IPO9: variants seen among roughly 807,000 people sequenced by gnomAD.
The protein encoded by IPO9 is importin-9.
Under a neutral mutation model 128.6 loss-of-function variants are expected in IPO9, and 28 were observed. The observed-to-expected ratio is 0.22, with a 90% confidence interval of 0.16 to 0.30. The LOEUF (loss-of-function observed/expected upper bound fraction) is 0.30, where lower values mean the gene tolerates loss of function less well. Ranked by LOEUF, IPO9 falls within the 10% of genes least tolerant of loss-of-function variation. The probability of loss-of-function intolerance (pLI) is 1.00; values close to 1 mark genes in which losing one functional copy is unlikely to be tolerated. For synonymous variants in IPO9, 455 were observed against 475.8 expected, an observed-to-expected ratio of 0.96 and a Z score of 0.57; for missense variants, 935 against 1,293.9, an observed-to-expected ratio of 0.72 and a Z score of 4.26.
chr1:201,868,545 G>A (rs1409198699), intron 15 of IPO9, 103 bp from the exon 16 acceptor site: 5 of 1,262,934 alleles, frequency 4.0e-6, no homozygotes, highest in Non-Finnish European at 1.1e-6. Context: ...AATCAATGCA[G>A]AAGTTGTTAA....
chr1:201,871,379 T>TC (rs1370229788), intron 19 of IPO9, 52 bp downstream of exon 19: 5 of 293,784 alleles, frequency 1.7e-5, no homozygotes, highest in Non-Finnish European at 2.4e-5. Flanking sequence ...CATATTTCTT[T>TC]TTTTTTTTTT....
Position 201,872,281 on chromosome 1 carries a change from T to A in IPO9, c.2577-547T>A, listed in dbSNP as rs1680667270. 2.0e-5 allele frequency among the ~76,000 whole-genome samples: 3 copies of A among 152,240 alleles called. 1 individual carries two copies. In the South Asian group the frequency reaches 6.2e-4, roughly 32 times the overall value. On this transcript the variant is annotated intron_variant, in intron 19 of 23. Transcript: ENST00000361565. ...CCTAACTTTTTATCCTGGATTTTTATACCACTGATTCTTATCACCTCGTTG... is the reference window on the plus strand; with the variant it reads ...CCTAACTTTTTATCCTGGATTTTTAAACCACTGATTCTTATCACCTCGTTG...
At position 201,864,535 on chromosome 1, in the gene IPO9, GTTTAGCTTCTGACCTTAGTGAAAC is replaced by G. The variant is rs769865266; in HGVS notation, c.1628+931_1628+954del. 4.9e-4 allele frequency among the ~76,000 whole-genome samples: 75 copies of G among 152,314 alleles called. 1 individual carries two copies. The highest frequency in any genetic ancestry group is 5.9e-4 in the Non-Finnish European group (40 of 68,030). On this transcript the variant is annotated intron_variant, in intron 14 of 23. Transcript: ENST00000361565. ...GAGTTTGTACCTGTGGTCACTGCCTGTTTAGCTTCTGACCTTAGTGAAACTTGATTTCATTGGAGAATTATCCAC... is the reference window on the plus strand; with the variant it reads ...GAGTTTGTACCTGTGGTCACTGCCTGTTGATTTCATTGGAGAATTATCCAC...
In IPO9 at chr1:201,872,941, C is replaced by G. The variant is rs1475098950; in HGVS notation, c.2690C>G (p.Thr897Ser). ...TACAGCATGGATGAGGGCATCCGCA[C>G]CCGCTCTAAGTCAGCCAAAAGTGGG... ...EIYSMDEGIR[T>S]RSKSAKNPER... The change falls in exon 20 of 24, where the codon ACC becomes AGC. Residue 897 changes from threonine to serine, a missense_variant. Coordinates refer to ENST00000361565, the MANE Select transcript of IPO9 (RefSeq NM_018085.5). 1.9e-6 allele frequency: 3 copies of G among 1,613,288 alleles called. No individual in the cohort carries two copies. The Admixed American group carries it at 5.0e-5, about 27-fold the overall frequency.
At chr1:201,861,954 C>G (rs1680456552) in intron 13 of IPO9, among the ~76,000 whole-genome samples, 1 of 150,432 alleles carries the variant, frequency 6.6e-6, no homozygotes, top group African/African-American at 2.5e-5. Flanking sequence ...AGGCAGAGAG[C>G]TGGGAGAGTA....
chr1:201,874,302 C>G lies in IPO9; in HGVS notation c.2763C>G (p.Ile921Met), dbSNP rs572168085. 25 of 1,613,956 alleles carry G rather than the reference C, an allele frequency of 1.5e-5. No homozygotes were observed. The South Asian group carries it at 2.7e-4, about 18-fold the overall frequency. ...IPLLVKILKL[I>M]INELSNVMEA... ...TGCTGGTCAAGATCCTAAAGCTGATCATCAACGAGCTCTCCAACGTCATGG... is the reference window on the plus strand; with the variant it reads ...TGCTGGTCAAGATCCTAAAGCTGATGATCAACGAGCTCTCCAACGTCATGG... The change falls in exon 21 of 24, where the codon ATC becomes ATG. Residue 921 changes from isoleucine (I) to methionine (M), a missense_variant. Physicochemically the swap from Ile to Met is conservative, Grantham distance 10. Transcript: ENST00000361565.
At chr1:201,839,212 G>A (rs1023762572) in intron 1 of IPO9, among the ~76,000 whole-genome samples, 16 of 150,416 alleles carry the variant, frequency 1.1e-4, no homozygotes, top group African/African-American at 2.7e-4. Flanking sequence ...GAGCCACTGC[G>A]CCCAGCCTAG....
At chr1:201,840,034 A>G (rs1381888565) in intron 1 of IPO9, among the ~76,000 whole-genome samples, 3 of 152,218 alleles carry the variant, frequency 2.0e-5, no homozygotes, top group Admixed American at 1.3e-4. Context: ...TTAGAGAAAT[A>G]TAATCTAAAA....
At chr1:201,847,490 T>C (rs1468470104) in intron 2 of IPO9, 62 bp from the exon 3 acceptor site, 2 of 1,446,224 alleles carry the variant, frequency 1.4e-6, no homozygotes, top group African/African-American at 1.4e-5. Flanking sequence ...GCTATGTATA[T>C]AGTTTTTATG....
At chr1:201,863,247 G>T in intron 13 of IPO9, 1 of 344,022 alleles carries the variant, frequency 2.9e-6, no homozygotes, top group Non-Finnish European at 5.4e-6. Context: ...AACTACTCAG[G>T]AGGCTGAGGC....
At chr1:201,874,965 G>A (rs1270896559) in intron 22 of IPO9, 29 bp downstream of exon 22, 1 of 1,511,304 alleles carries the variant, frequency 6.6e-7, no homozygotes, top group African/African-American at 1.4e-5. Flanking sequence ...GGACAGCCAT[G>A]GTAAATACCT....
At chr1:201,855,211 A>G in intron 9 of IPO9, 29 bp downstream of exon 9, 1 of 1,445,312 alleles carries the variant, frequency 6.9e-7, no homozygotes, top group South Asian at 1.2e-5. Flanking sequence ...CTTTATAGAA[A>G]TACCAGTTAG....
rs539495450 is a variant in IPO9 at position 201,883,176 on chromosome 1, C to T, written c.*7122C>T. On this transcript the variant is annotated 3_prime_UTR_variant, in exon 24 of 24. Coordinates refer to ENST00000361565, the MANE Select transcript of IPO9 (RefSeq NM_018085.5). ...TTAATTTGCTTTCACTAGATTCCCC[C>T]CCCCCCAACAACTTAGTCCAAGAAC... The T allele has an allele frequency of 6.8e-6, 1 of 146,054 alleles. No individual in the cohort carries two copies. The highest frequency in any genetic ancestry group is 2.1e-4 in the East Asian group (1 of 4,742). The allele number at this position is 146,054 out of a possible 1,614,324, so 9.0% of individuals were successfully genotyped here. A position where few individuals can be genotyped will look rare whatever the true frequency, so the allele number is the denominator to read the frequency against.
Position 201,867,284 on chromosome 1 carries a change from TAAAAG to T in IPO9, c.1855+331_1855+335del, listed in dbSNP as rs1423884013. Among the ~76,000 whole-genome samples the T allele has an allele frequency of 4.6e-5, 7 of 151,996 alleles. No homozygotes were observed. The East Asian group carries it at 7.7e-4, about 17-fold the overall frequency. On this transcript the variant is annotated intron_variant, in intron 15 of 23. Coordinates refer to ENST00000361565, the MANE Select transcript of IPO9 (RefSeq NM_018085.5). Reference sequence around the variant, plus strand: ...GAAATTGGGCAAATGAAAAGCCTCCTAAAAGAAAAGGGCTAGGACTATAATTTAGA... The same window carrying T: ...GAAATTGGGCAAATGAAAAGCCTCCTAAAAGGGCTAGGACTATAATTTAGA...
intron 10 of IPO9, 73 bp downstream of exon 10, chr1:201,856,007 C>T: frequency 9.3e-7 from 1 of 1,075,366 alleles, no homozygotes; most frequent in Non-Finnish European, 1.3e-6. Flanking sequence ...AGGTCTTGGT[C>T]AGGTGAACAC....
chr1:201,866,694 A>G, intron 14 of IPO9, 39 bp from the exon 15 acceptor site: 1 of 1,495,688 alleles, frequency 6.7e-7, no homozygotes, highest in East Asian at 2.3e-5. Context: ...CAGGAATTGA[A>G]TTTTTTTTAA....
rs1265253820 is a variant in IPO9, at chr1:201,878,740, T to A, written c.*2686T>A. The stretch of plus-strand genomic sequence containing the variant: ...TATAACAGGTTCACAGAGTGGATAT[T>A]CCCATTCTGTTGATGAGAAAAAGAG... On this transcript the variant is annotated 3_prime_UTR_variant, in exon 24 of 24. Transcript: ENST00000361565. The A allele has an allele frequency of 6.6e-6, 1 of 152,172 alleles. No homozygotes were observed. The highest frequency in any genetic ancestry group is 1.9e-4 in the East Asian group (1 of 5,196). 9.4% of individuals were successfully genotyped at this position (152,172 alleles called of 1,614,324 possible).
intron 12 of IPO9, 137 bp downstream of exon 12, chr1:201,858,690 A>G (rs1418980720): frequency 2.5e-6 from 2 of 808,660 alleles, no homozygotes; most frequent in African/African-American, 1.7e-5. Context: ...CTTATTATTA[A>G]AATTTCACTC....
chr1:201,857,086 A>T lies in IPO9; in HGVS notation c.1123-10A>T. The T allele has an allele frequency of 6.5e-7, 1 of 1,529,332 alleles. No individual in the cohort carries two copies. The highest frequency in any genetic ancestry group is 1.7e-5 in the Admixed American group (1 of 59,890). 94.7% of individuals were successfully genotyped at this position (1,529,332 alleles called of 1,614,324 possible). On this transcript the variant is annotated splice_polypyrimidine_tract_variant and intron_variant, in intron 10 of 23. Coordinates refer to ENST00000361565, the MANE Select transcript of IPO9 (RefSeq NM_018085.5). Reference sequence around the variant, plus strand: ...GGCAGCATCACAAAGACATAACTTGATCTTTTCAGATTAAAGTATGGACAG... The same window carrying T: ...GGCAGCATCACAAAGACATAACTTGTTCTTTTCAGATTAAAGTATGGACAG...
Sources: gnomAD v4.1 joint callset for allele counts (sites outside exome capture counted in the v4.1 genomes callset) on GRCh38, gnomAD v4.1.1 for gene constraint, MANE v1.5 for transcripts, NCBI Gene and HGNC (gene_info 2026-07-23, HGNC 2026-07-21) for gene names.